Variants in RAPGEF1 observed in about 807,000 individuals in gnomAD.
RAPGEF1 encodes the protein Rap guanine nucleotide exchange factor 1.
RAPGEF1 carries 33 observed loss-of-function variants against 143.3 expected under a neutral mutation model. That is an observed-to-expected ratio of 0.23 (90% CI 0.17 to 0.31). The LOEUF (loss-of-function observed/expected upper bound fraction) is 0.31, where lower values mean the gene tolerates loss of function less well. Among genes scored for constraint, RAPGEF1 ranks in the 10% least tolerant of loss-of-function variants. The pLI is 1.00. For missense variants in RAPGEF1, 1,199 were observed against 1,645.4 expected (o/e 0.73, Z 4.69); for synonymous variants, 629 against 676.5 (o/e 0.93, Z 1.09).
At chr9:131,589,597 C>T (rs141096973) in intron 19 of RAPGEF1, among the ~76,000 whole-genome samples, 22 of 152,348 alleles carry the variant, frequency 1.4e-4, no homozygotes, top group East Asian at 9.6e-4. Flanking sequence ...GCTGAGAGCA[C>T]GGCCTGCTGG....
rs1355830138 is a variant in RAPGEF1 at position 131,739,823 on chromosome 9, C to T, written c.8G>A (p.Gly3Asp). 1.8e-6 allele frequency: 2 copies of T among 1,136,702 alleles called. No individual in the cohort carries two copies. Among genetic ancestry groups the T allele is most frequent in the Non-Finnish European group, 2.2e-6 (2 of 912,012 alleles). The allele number at this position is 1,136,702 out of a possible 1,614,324, so 70.4% of individuals were successfully genotyped here. The part of the protein sequence containing the change: MS[G>D]GLGLRRSPEM... ...CGGGCTGCGCCGGAGGCCGAGGCCG[C>T]CGCTCATCGGGCCCGGGCCGGGCCG... Residue 3 changes from glycine to aspartate, a missense_variant, in exon 1 of 27, where the codon GGC becomes GAC. Gly to Asp is a moderately conservative substitution (Grantham distance 94). Coordinates refer to ENST00000683357, the MANE Select transcript of RAPGEF1 (RefSeq NM_001377935.1).
At chr9:131,588,387 G>A (rs1285408017) in intron 20 of RAPGEF1, among the ~76,000 whole-genome samples, 3 of 152,188 alleles carry the variant, frequency 2.0e-5, no homozygotes, top group Non-Finnish European at 2.9e-5. Flanking sequence ...CCAAAGAAAC[G>A]AAGGCTATGC....
At chr9:131,663,713 T>C (rs182597671) in intron 1 of RAPGEF1, among the ~76,000 whole-genome samples, 9 of 152,342 alleles carry the variant, frequency 5.9e-5, no homozygotes, top group African/African-American at 1.9e-4. Context: ...TGCTTTCTAC[T>C]GTATTATTAA....
At chr9:131,680,439 C>T (rs971386190) in intron 1 of RAPGEF1, among the ~76,000 whole-genome samples, 3 of 152,230 alleles carry the variant, frequency 2.0e-5, no homozygotes, top group Non-Finnish European at 4.4e-5. Flanking sequence ...AACGGAATCT[C>T]TGCAGCACTG....
intron 5 of RAPGEF1, among the ~76,000 whole-genome samples, chr9:131,632,295 A>T (rs1436573881): frequency 7.3e-6 from 1 of 136,102 alleles, no homozygotes; most frequent in Non-Finnish European, 1.6e-5. Context: ...CACCCGGCTA[A>T]TTTTTTTTTT....
intron 5 of RAPGEF1, among the ~76,000 whole-genome samples, chr9:131,638,397 C>T (rs941978196): frequency 6.6e-6 from 1 of 152,228 alleles, no homozygotes; most frequent in Non-Finnish European, 1.5e-5. Context: ...TACGAAGACT[C>T]ACTAAGATTT....
chr9:131,599,347 C>T (rs1306827551), intron 15 of RAPGEF1, among the ~76,000 whole-genome samples: 1 of 151,364 alleles, frequency 6.6e-6, no homozygotes, highest in Non-Finnish European at 1.5e-5. Context: ...GTCTTGATCT[C>T]CTGACTCATG....
chr9:131,582,771 C>A (rs1952069686), intron 24 of RAPGEF1, 69 bp from the exon 25 acceptor site: 3 of 1,361,810 alleles, frequency 2.2e-6, no homozygotes, highest in Non-Finnish European at 3.0e-6. Flanking sequence ...GGGGCAGAGC[C>A]CTGGTCCTCC....
At chr9:131,651,688 C>T (rs1188876596) in intron 1 of RAPGEF1, among the ~76,000 whole-genome samples, 1 of 152,174 alleles carries the variant, frequency 6.6e-6, no homozygotes. Context: ...TTTTGCACTA[C>T]AAATACTACT....
chr9:131,646,833 G>C (rs1969776994), intron 3 of RAPGEF1, among the ~76,000 whole-genome samples: 1 of 152,122 alleles, frequency 6.6e-6, no homozygotes, highest in Non-Finnish European at 1.5e-5. Flanking sequence ...TATTAGTCCA[G>C]AACAGTGAGG....
intron 18 of RAPGEF1, among the ~76,000 whole-genome samples, chr9:131,591,397 G>C (rs1333007417): frequency 1.3e-5 from 2 of 152,198 alleles, no homozygotes; most frequent in African/African-American, 4.8e-5. Flanking sequence ...AGGAGCAGCT[G>C]ACCCAGGCTA....
intron 1 of RAPGEF1, among the ~76,000 whole-genome samples, chr9:131,656,176 TCTTCATC>T (rs1289898058): frequency 2.6e-4 from 39 of 152,226 alleles, no homozygotes; most frequent in African/African-American, 8.4e-4. Context: ...TGCTTCCAGA[TCTTCATC>T]CAGTTATTCT....
intron 3 of RAPGEF1, among the ~76,000 whole-genome samples, chr9:131,645,765 CCCT>C (rs1379148177): frequency 6.6e-6 from 1 of 152,204 alleles, no homozygotes; most frequent in South Asian, 2.1e-4. Flanking sequence ...ACCTGCGCAC[CCCT>C]CCTGCTGTGG....
chr9:131,671,745 T>C (rs1237422791), intron 1 of RAPGEF1, among the ~76,000 whole-genome samples: 1 of 151,636 alleles, frequency 6.6e-6, no homozygotes, highest in Non-Finnish European at 1.5e-5. Flanking sequence ...TGCAGGGCAG[T>C]TGAGCTGGGG....
At chr9:131,723,373 C>T (rs1457667420) in intron 1 of RAPGEF1, among the ~76,000 whole-genome samples, 1 of 152,158 alleles carries the variant, frequency 6.6e-6, no homozygotes, top group Non-Finnish European at 1.5e-5. Context: ...AATGTGCCAT[C>T]ATCACCAGCA....
At chr9:131,714,449 G>T (rs1375315647) in intron 1 of RAPGEF1, among the ~76,000 whole-genome samples, 1 of 151,802 alleles carries the variant, frequency 6.6e-6, no homozygotes, top group Non-Finnish European at 1.5e-5. Flanking sequence ...GCGGGTACCC[G>T]GTAGCTCACA....
At chr9:131,722,313 T>C (rs1331061278) in intron 1 of RAPGEF1, among the ~76,000 whole-genome samples, 1 of 152,186 alleles carries the variant, frequency 6.6e-6, no homozygotes, top group African/African-American at 2.4e-5. Flanking sequence ...GATCGTCCTC[T>C]CTTTTCCCCT....
intron 1 of RAPGEF1, among the ~76,000 whole-genome samples, chr9:131,680,198 G>A (rs1016260625): frequency 2.0e-5 from 3 of 152,206 alleles, no homozygotes; most frequent in African/African-American, 4.8e-5. Context: ...TTATATTGGG[G>A]TTCAATATGC....
chr9:131,730,322 T>C (rs1348845221), intron 1 of RAPGEF1, among the ~76,000 whole-genome samples: 1 of 151,724 alleles, frequency 6.6e-6, no homozygotes, highest in Non-Finnish European at 1.5e-5. Context: ...TTTACTGCCA[T>C]TAAAAATCAT....
Sources: allele counts gnomAD v4.1 joint callset (sites outside exome capture counted in the v4.1 genomes callset), GRCh38; gene constraint gnomAD v4.1.1; transcripts MANE v1.5; gene names NCBI Gene and HGNC (gene_info 2026-07-23, HGNC 2026-07-21).